Variants in GBE1 observed in about 807,000 individuals in gnomAD.
GBE1 encodes the protein 1,4-alpha-glucan-branching enzyme.
GBE1 carries 70 observed loss-of-function variants against 88.8 expected under a neutral mutation model. The observed-to-expected ratio is 0.79, with a 90% CI of 0.65 to 0.96. The LOEUF (loss-of-function observed/expected upper bound fraction) is 0.96. Ranked by LOEUF, GBE1 falls within the 40% of genes least tolerant of loss-of-function variation. GBE1 has a pLI of 0.00. For synonymous variants in GBE1, 284 were observed against 300.1 expected, an observed-to-expected ratio of 0.95 and a Z score of 0.56; for missense variants, 872 against 871.0, an observed-to-expected ratio of 1.00 and a Z score of -0.01.
intron 1 of GBE1, among the ~76,000 whole-genome samples, chr3:81,723,737 C>T (rs1706070101): frequency 6.6e-6 from 1 of 152,104 alleles, no homozygotes; most frequent in Admixed American, 6.5e-5. Context: ...AGACTGGTTA[C>T]CACCAACGCA....
At chr3:81,531,840 C>T (rs1271403089) in intron 14 of GBE1, among the ~76,000 whole-genome samples, 1 of 152,040 alleles carries the variant, frequency 6.6e-6, no homozygotes, top group Non-Finnish European at 1.5e-5. Flanking sequence ...TATCTGGAAC[C>T]CCAGGGTACT....
chr3:81,578,010 T>A lies in GBE1; in HGVS notation c.1533A>T (p.Pro511=), dbSNP rs759723377. The change falls in exon 12 of 16, where the codon CCA becomes CCT. Residue 511 remains proline, a synonymous_variant. Transcript: ENST00000429644. ...TNMSVLTPFT[P]VIDRGIQLHK... is the part of the protein sequence containing the mutation. ...GAAGCTGTATTCCACGATCAATAAC[T>A]GGAGTAAAAGGAGTCAGGACACTCA... 1 of 1,609,980 alleles carries A rather than the reference T, an allele frequency of 6.2e-7. No homozygotes were observed. The highest frequency in any genetic ancestry group is 8.5e-7 in the Non-Finnish European group (1 of 1,178,372).
chr3:81,724,689 A>G (rs1222581507), intron 1 of GBE1, among the ~76,000 whole-genome samples: 1 of 152,170 alleles, frequency 6.6e-6, no homozygotes, highest in Non-Finnish European at 1.5e-5. Context: ...ATACATGAAA[A>G]TGTGATGTCT....
intron 1 of GBE1, among the ~76,000 whole-genome samples, chr3:81,722,057 A>T (rs1218114925): frequency 1.3e-5 from 2 of 152,216 alleles, no homozygotes; most frequent in African/African-American, 2.4e-5. Context: ...TCATCATTGT[A>T]ATAACTTGTA....
At chr3:81,608,849 G>C (rs573708923) in intron 7 of GBE1, among the ~76,000 whole-genome samples, 19 of 152,282 alleles carry the variant, frequency 1.2e-4, no homozygotes, top group African/African-American at 4.1e-4. Context: ...AGGGTATCCA[G>C]CTGAGTCTGA....
chr3:81,657,999 A>C (rs1490800876), intron 3 of GBE1, among the ~76,000 whole-genome samples: 3 of 152,294 alleles, frequency 2.0e-5, no homozygotes, highest in Non-Finnish European at 4.4e-5. Context: ...TAGTAGCTTA[A>C]CTAAAAAAGG....
rs763258786 is a variant in GBE1, at chr3:81,591,165, C to A, written c.1109-1G>T. 2 of 1,592,920 alleles carry A rather than the reference C, an allele frequency of 1.3e-6. No homozygotes were observed. The highest frequency in any genetic ancestry group is 1.7e-6 in the Non-Finnish European group (2 of 1,168,212). On this transcript the variant is annotated splice_acceptor_variant, in intron 8 of 15. Transcript: ENST00000429644. LOFTEE classifies it high-confidence loss of function. ...CTGTAATCACCTGAGAAACCTTGAC[C>A]TTAGAAAAAGAAAATCAATACGGAT... is the stretch of plus-strand genomic sequence containing the variant.
chr3:81,638,565 AT>A (rs981332385), intron 7 of GBE1, among the ~76,000 whole-genome samples: 11 of 152,290 alleles, frequency 7.2e-5, no homozygotes, highest in African/African-American at 2.6e-4. Flanking sequence ...CCTGAAACTT[AT>A]GGGTGACACA....
chr3:81,599,303 A>AGT (rs944175229), intron 7 of GBE1, among the ~76,000 whole-genome samples: 2 of 151,814 alleles, frequency 1.3e-5, no homozygotes, highest in Non-Finnish European at 2.9e-5. Flanking sequence ...ATGTACATAA[A>AGT]GTGTGTGTGT....
chr3:81,542,966 T>C (rs1170916777), intron 12 of GBE1, among the ~76,000 whole-genome samples: 1 of 152,080 alleles, frequency 6.6e-6, no homozygotes, highest in Non-Finnish European at 1.5e-5. Context: ...ACAAAATATT[T>C]GGTAATATTT....
rs761908536 is a variant in GBE1 at position 81,499,174 on chromosome 3, A to G, written c.1988T>C (p.Leu663Pro). The G allele has an allele frequency of 2.9e-5, 46 of 1,612,206 alleles. No individual in the cohort carries two copies. In the Middle Eastern group the frequency reaches 8.2e-4, roughly 29 times the overall value. ...DAAEYGGHQRLDHSTDFFSEA... is the reference protein window; with the variant it reads ...DAAEYGGHQRPDHSTDFFSEA... Reference sequence around the variant, plus strand: ...AGAAAAAAAGTCAGTGCTGTGGTCCAGTCTCTGATGCCCTCCATATTCCGC... The same window carrying G: ...AGAAAAAAAGTCAGTGCTGTGGTCCGGTCTCTGATGCCCTCCATATTCCGC... Residue 663 changes from leucine (L) to proline (P), a missense_variant, in exon 15 of 16, where the codon CTG (leucine) becomes CCG (proline). Leu to Pro is a moderately conservative substitution (Grantham distance 98). Transcript: ENST00000429644.
intron 2 of GBE1, among the ~76,000 whole-genome samples, chr3:81,684,810 C>A (rs1419770097): frequency 1.3e-5 from 2 of 152,190 alleles, no homozygotes; most frequent in Admixed American, 1.3e-4. Context: ...AAACATTAGG[C>A]ATGTCAATAT....
chr3:81,671,261 C>CT (rs951293520), intron 2 of GBE1, among the ~76,000 whole-genome samples: 1 of 151,972 alleles, frequency 6.6e-6, no homozygotes, highest in Non-Finnish European at 1.5e-5. Context: ...ATGATGGATC[C>CT]TTTTTTTAGA....
chr3:81,587,473 A>G (rs1446848783), intron 9 of GBE1, among the ~76,000 whole-genome samples: 2 of 152,144 alleles, frequency 1.3e-5, no homozygotes, highest in Admixed American at 6.5e-5. Flanking sequence ...ATATCTTATG[A>G]GACAGTCCGC....
intron 12 of GBE1, among the ~76,000 whole-genome samples, chr3:81,559,825 C>T (rs7639135): frequency 0.22 from 34,135 of 151,838 alleles, 4,063 homozygotes; most frequent in East Asian, 0.41. Flanking sequence ...GAAAAGTCTG[C>T]TCCAAAAATA....
intron 12 of GBE1, among the ~76,000 whole-genome samples, chr3:81,565,511 C>A (rs1703479957): frequency 6.6e-6 from 1 of 152,172 alleles, no homozygotes; most frequent in Non-Finnish European, 1.5e-5. Context: ...TCAACAAATG[C>A]AGACTGACAC....
intron 1 of GBE1, among the ~76,000 whole-genome samples, chr3:81,750,341 AT>A (rs1489934619): frequency 2.0e-5 from 3 of 151,582 alleles, no homozygotes; most frequent in Admixed American, 6.6e-5. Flanking sequence ...ACGTAAAAAA[AT>A]AATTCATGCT....
At chr3:81,743,644 G>A in intron 1 of GBE1, 2 of 1,517,702 alleles carry the variant, frequency 1.3e-6, no homozygotes, top group South Asian at 1.2e-5. Context: ...CATCCAGAAA[G>A]GTCTAGGGCT....
In GBE1 at chr3:81,591,090, A is replaced by G. The variant is rs1269189934; in HGVS notation, c.1183T>C (p.Leu395=). 3 of 1,610,032 alleles carry G rather than the reference A, an allele frequency of 1.9e-6. No homozygotes were observed. Among genetic ancestry groups the G allele is most frequent in the Non-Finnish European group, 2.5e-6 (3 of 1,177,752 alleles). The change falls in exon 9 of 16, where the codon TTG becomes CTG. Residue 395 remains leucine (L), a synonymous_variant. Coordinates refer to ENST00000429644, the MANE Select transcript of GBE1 (RefSeq NM_000158.4). ...AGCGTGTGAACCAAATGATTTGCCAACATGAGGTAAGTCAAGGCATCTTCA... is the reference window on the plus strand; with the variant it reads ...AGCGTGTGAACCAAATGATTTGCCAGCATGAGGTAAGTCAAGGCATCTTCA... The part of the protein sequence containing the change: ...VDEDALTYLM[L]ANHLVHTLCP...
Sources: allele counts gnomAD v4.1 joint callset (sites outside exome capture counted in the v4.1 genomes callset), GRCh38; gene constraint gnomAD v4.1.1; transcripts MANE v1.5; gene names NCBI Gene and HGNC (gene_info 2026-07-23, HGNC 2026-07-21).